The following TEK variants were observed in gnomAD, a reference collection of about 807,000 sequenced individuals.
The protein encoded by TEK is angiopoietin-1 receptor.
TEK carries 43 observed loss-of-function variants against 131.8 expected under a neutral mutation model. That is an observed-to-expected ratio of 0.33 (90% CI 0.26 to 0.42). TEK has a LOEUF of 0.42. TEK is among the 10% of genes least tolerant of loss of function. The pLI, the probability that TEK is intolerant of heterozygous loss-of-function variation, is 1.00. For synonymous variants in TEK, 580 were observed against 491.6 expected (o/e 1.18, Z -2.38); for missense variants, 1,162 against 1,384.4 (o/e 0.84, Z 2.55).
At chr9:27,120,303 C>T (rs1821733710) in intron 1 of TEK, among the ~76,000 whole-genome samples, 1 of 152,250 alleles carries the variant, frequency 6.6e-6, no homozygotes, top group Non-Finnish European at 1.5e-5. Flanking sequence ...GCTGGTTTCT[C>T]TTTCTAGCAT....
At chr9:27,206,180 G>T (rs1003597198) in intron 14 of TEK, among the ~76,000 whole-genome samples, 1 of 152,212 alleles carries the variant, frequency 6.6e-6, no homozygotes, top group African/African-American at 2.4e-5. Flanking sequence ...AGCTCTCACT[G>T]AGGCGCATCC....
chr9:27,220,157 C>G lies in TEK; in HGVS notation c.3200+12C>G, dbSNP rs148623971. 5.9e-4 allele frequency: 952 copies of G among 1,612,988 alleles called. 1 individual carries two copies. The highest frequency in any genetic ancestry group is 7.7e-4 in the Non-Finnish European group (905 of 1,179,598). On this transcript the variant is annotated intron_variant, in intron 21 of 22. Transcript: ENST00000380036. The stretch of plus-strand genomic sequence containing the variant: ...TGTGATGATGAGGTGTAAGTCAGGC[C>G]TCATCCTGGGGCTATTTTGTCTTAC...
intron 8 of TEK, among the ~76,000 whole-genome samples, chr9:27,184,267 T>C (rs559907291): frequency 3.9e-5 from 6 of 152,338 alleles, no homozygotes; most frequent in Admixed American, 2.0e-4. Flanking sequence ...AGGATCAAGC[T>C]ACTTTTCGAA....
chr9:27,172,713 C>T lies in TEK; in HGVS notation c.726C>T (p.Cys242=), dbSNP rs1417440863. 1.9e-6 allele frequency: 3 copies of T among 1,613,468 alleles called. No individual in the cohort carries two copies. The highest frequency in any genetic ancestry group is 1.1e-5 in the South Asian group (1 of 91,078). Residue 242 remains cysteine (C), a synonymous_variant, in exon 5 of 23, where the codon TGC becomes TGT. Transcript: ENST00000380036. The stretch of plus-strand genomic sequence containing the variant: ...ATGAAGATACTGGAGAATGCATTTG[C>T]CCTCCTGGGTTTATGGGAAGGACGT... ...VCHEDTGECI[C]PPGFMGRTCE... is the part of the protein sequence containing the mutation.
Position 27,192,554 on chromosome 9 carries a change from C to T in TEK, c.1555C>T (p.Leu519=). The T allele has an allele frequency of 6.2e-7, 1 of 1,613,908 alleles. No homozygotes were observed. The highest frequency in any genetic ancestry group is 8.5e-7 in the Non-Finnish European group (1 of 1,179,892). The part of the protein sequence containing the change: ...PRTEYELCVQ[L]VRRGEGGEGH... ...GACAGAATATGAACTCTGTGTGCAA[C>T]TGGTCCGTCGTGGAGAGGGTGGGGA... The change falls in exon 11 of 23, where the codon CTG becomes TTG. Residue 519 remains leucine, a synonymous_variant. Coordinates refer to ENST00000380036, the MANE Select transcript of TEK (RefSeq NM_000459.5).
At chr9:27,135,323 T>C (rs1822382351) in intron 1 of TEK, among the ~76,000 whole-genome samples, 1 of 151,766 alleles carries the variant, frequency 6.6e-6, no homozygotes, top group African/African-American at 2.4e-5. Flanking sequence ...CCATATAAGA[T>C]AAAAAATGCC....
In TEK at chr9:27,190,785, C is replaced by T. The variant is rs867265460; in HGVS notation, c.1489+95C>T. ...GAAATTCCCTTCTCCCTGCCTCAAT[C>T]CTCTACCTCAAGGTGGTGGCTGTTG... On this transcript the variant is annotated intron_variant, in intron 10 of 22. Transcript: ENST00000380036. 2.7e-5 allele frequency: 41 copies of T among 1,525,238 alleles called. No homozygotes were observed. In the African/African-American group the frequency reaches 4.1e-4, roughly 15 times the overall value. 94.5% of individuals were successfully genotyped at this position (1,525,238 alleles called of 1,614,324 possible).
intron 8 of TEK, 21 bp from the exon 9 acceptor site, chr9:27,185,464 T>C: frequency 6.2e-7 from 1 of 1,613,536 alleles, no homozygotes; most frequent in Non-Finnish European, 8.5e-7. Context: ...GTTTTTATTT[T>C]TTTGTATTTG....
At chr9:27,175,850 G>T (rs1266810981) in intron 6 of TEK, among the ~76,000 whole-genome samples, 1 of 151,902 alleles carries the variant, frequency 6.6e-6, no homozygotes, top group South Asian at 2.1e-4. Context: ...TTTTTTTCTT[G>T]TAAATTTGTT....
chr9:27,229,106 C>A, intron 22 of TEK, 52 bp from the exon 23 acceptor site: 1 of 1,552,230 alleles, frequency 6.4e-7, no homozygotes, highest in South Asian at 1.1e-5. Context: ...CTGCCGCTGG[C>A]AGAGGTGGAA....
intron 6 of TEK, among the ~76,000 whole-genome samples, chr9:27,174,135 T>G (rs750262963): frequency 3.3e-5 from 5 of 152,166 alleles, no homozygotes; most frequent in Non-Finnish European, 5.9e-5. Flanking sequence ...CACTTTTCAG[T>G]ATGCATTTCA....
Position 27,109,504 on chromosome 9 carries a change from G to A in TEK, c.-87G>A. 2.9e-6 allele frequency: 4 copies of A among 1,390,782 alleles called. No individual in the cohort carries two copies. Among genetic ancestry groups the A allele is most frequent in the Non-Finnish European group, 4.1e-6 (4 of 976,666 alleles). 86.2% of individuals were successfully genotyped at this position (1,390,782 alleles called of 1,614,324 possible). On this transcript the variant is annotated 5_prime_UTR_variant, in exon 1 of 23. The change abolishes an upstream ATG in the 5' untranslated region. Transcript: ENST00000380036. ...CAAGACGTAGTAGGACGATGCTAATGGAAAGTCACAAACCGCTGGGTTTTT... is the reference window on the plus strand; with the variant it reads ...CAAGACGTAGTAGGACGATGCTAATAGAAAGTCACAAACCGCTGGGTTTTT...
At chr9:27,147,605 C>G (rs1234172226) in intron 1 of TEK, among the ~76,000 whole-genome samples, 1 of 152,044 alleles carries the variant, frequency 6.6e-6, no homozygotes. Flanking sequence ...GTAACAATTT[C>G]TTTTTTATTC....
chr9:27,156,756 C>G (rs1823346653), intron 1 of TEK, among the ~76,000 whole-genome samples: 1 of 152,094 alleles, frequency 6.6e-6, no homozygotes, highest in Non-Finnish European at 1.5e-5. Context: ...AATAAGATAA[C>G]ATGTAGCTTA....
intron 1 of TEK, among the ~76,000 whole-genome samples, chr9:27,127,979 A>T (rs191136683): frequency 8.5e-5 from 13 of 152,218 alleles, no homozygotes; most frequent in Admixed American, 8.5e-4. Context: ...TCTTTAGTTT[A>T]ATTAGATCCC....
At chr9:27,134,751 A>G (rs987879391) in intron 1 of TEK, among the ~76,000 whole-genome samples, 2 of 152,196 alleles carry the variant, frequency 1.3e-5, no homozygotes, top group Non-Finnish European at 2.9e-5. Context: ...ACTTGTTTTC[A>G]TGATCCCCTA....
intron 15 of TEK, among the ~76,000 whole-genome samples, chr9:27,208,082 A>G (rs1445943679): frequency 6.6e-6 from 1 of 152,134 alleles, no homozygotes; most frequent in Non-Finnish European, 1.5e-5. Context: ...AAATAGCTTA[A>G]TAAGGCACCA....
At chr9:27,214,043 A>G (rs925741145) in intron 18 of TEK, among the ~76,000 whole-genome samples, 1 of 152,260 alleles carries the variant, frequency 6.6e-6, no homozygotes, top group Non-Finnish European at 1.5e-5. Flanking sequence ...CATAACTTCT[A>G]CAGGCTCATC....
At chr9:27,127,046 T>G (rs367547289) in intron 1 of TEK, among the ~76,000 whole-genome samples, 1 of 152,166 alleles carries the variant, frequency 6.6e-6, no homozygotes. Context: ...GTTACATAGG[T>G]ATACATGTAC....
Sources: allele counts gnomAD v4.1 joint callset (sites outside exome capture counted in the v4.1 genomes callset), GRCh38; gene constraint gnomAD v4.1.1; transcripts MANE v1.5; gene names NCBI Gene and HGNC (gene_info 2026-07-23, HGNC 2026-07-21).